Variants in RANBP2 observed in about 807,000 individuals in gnomAD.
RANBP2 encodes RAN binding protein 2.
RANBP2 carries 57 observed loss-of-function variants against 303.6 expected under a neutral mutation model. That is an observed-to-expected ratio of 0.19 (90% CI 0.15 to 0.23). The LOEUF (loss-of-function observed/expected upper bound fraction) is 0.23. RANBP2 is among the 10% of genes least tolerant of loss of function. The pLI, the probability that RANBP2 is intolerant of heterozygous loss-of-function variation, is 1.00. For missense variants in RANBP2, 3,138 were observed against 3,780.8 expected, an observed-to-expected ratio of 0.83 and a Z score of 4.46; for synonymous variants, 1,167 against 1,301.5, an observed-to-expected ratio of 0.90 and a Z score of 2.23.
chr2:108,783,609 C>T lies in RANBP2; in HGVS notation c.9383C>T (p.Thr3128Ile), dbSNP rs1415438398. The T allele has an allele frequency of 2.5e-6, 4 of 1,610,296 alleles. No homozygotes were observed. The highest frequency in any genetic ancestry group is 3.3e-5 in the Admixed American group (2 of 59,870). ...PDFVCQGGDI[T>I]KHDGTGGQSI... ...TCTTTTTTTCAGGGAGGAGATATCACCAAACATGATGGAACAGGCGGACAG... is the reference window on the plus strand; with the variant it reads ...TCTTTTTTTCAGGGAGGAGATATCATCAAACATGATGGAACAGGCGGACAG... The change falls in exon 29 of 29, where the codon ACC (threonine) becomes ATC (isoleucine). Residue 3128 changes from threonine (T) to isoleucine (I), a missense_variant. Coordinates refer to ENST00000283195, the MANE Select transcript of RANBP2 (RefSeq NM_006267.5).
the RANBP2 span, among the ~76,000 whole-genome samples, chr2:109,233,361 T>G: frequency 1.3e-5 from 2 of 151,910 alleles, no homozygotes; most frequent in African/African-American, 4.8e-5. Flanking sequence ...TCCCCTGGAG[T>G]TTGGCTGTCC....
chr2:109,444,386 A>G, the RANBP2 span, among the ~76,000 whole-genome samples: 3 of 152,240 alleles, frequency 2.0e-5, no homozygotes, highest in Admixed American at 1.3e-4. Context: ...GCACTGGCCT[A>G]CTGGCTGTAG....
the RANBP2 span, among the ~76,000 whole-genome samples, chr2:109,435,987 C>G: frequency 2.0e-5 from 3 of 152,134 alleles, no homozygotes; most frequent in African/African-American, 7.2e-5. Context: ...TGTGCAGAAA[C>G]CCTCACTCTG....
the RANBP2 span, among the ~76,000 whole-genome samples, chr2:109,001,071 T>A: frequency 6.6e-6 from 1 of 152,238 alleles, no homozygotes; most frequent in Non-Finnish European, 1.5e-5. Flanking sequence ...TTGGTTCTGA[T>A]AACTTTCTCC....
At chr2:108,881,810 G>A in the RANBP2 span, among the ~76,000 whole-genome samples, 1 of 152,160 alleles carries the variant, frequency 6.6e-6, no homozygotes, top group Admixed American at 6.5e-5. Flanking sequence ...TCTTACATGG[G>A]TGTGGTTCTT....
chr2:109,271,285 C>T, the RANBP2 span, among the ~76,000 whole-genome samples: 1 of 152,186 alleles, frequency 6.6e-6, no homozygotes, highest in Non-Finnish European at 1.5e-5. Context: ...AGTCTCCTAC[C>T]TTGTTTGGTG....
chr2:108,774,025 T>C lies in RANBP2; in HGVS notation c.8292+979T>C, dbSNP rs116180000. On this transcript the variant is annotated intron_variant, in intron 23 of 28. Coordinates refer to ENST00000283195, the MANE Select transcript of RANBP2 (RefSeq NM_006267.5). Reference sequence around the variant, plus strand: ...AAGATTGTATATTTGTTACAGTTGATGAATCTACATTGACACATCATCACC... The same window carrying C: ...AAGATTGTATATTTGTTACAGTTGACGAATCTACATTGACACATCATCACC... Among the ~76,000 whole-genome samples, 231 of 152,368 alleles carry C rather than the reference T, an allele frequency of 1.5e-3. 2 individuals are homozygous for C. Among genetic ancestry groups the C allele is most frequent in the African/African-American group, 5.4e-3 (225 of 41,584 alleles).
the RANBP2 span, among the ~76,000 whole-genome samples, chr2:109,269,201 C>T: frequency 1.3e-5 from 2 of 152,220 alleles, no homozygotes; most frequent in South Asian, 2.1e-4. Context: ...CTCCAACCTT[C>T]GCCCTGGGAG....
chr2:109,772,782 G>T, the RANBP2 span, among the ~76,000 whole-genome samples: 1 of 141,604 alleles, frequency 7.1e-6, no homozygotes, highest in South Asian at 2.3e-4. Flanking sequence ...ATGTCTGAAG[G>T]TCAGGAGGTC....
chr2:108,927,427 C>T, the RANBP2 span, among the ~76,000 whole-genome samples: 13,258 of 152,260 alleles, frequency 0.087, 3,136 homozygotes, highest in East Asian at 0.91. Flanking sequence ...CACCACCCTT[C>T]CAGTGTCCAA....
At chr2:108,898,821 A>G in the RANBP2 span, among the ~76,000 whole-genome samples, 1 of 152,242 alleles carries the variant, frequency 6.6e-6, no homozygotes. Context: ...GCTCAATGAC[A>G]GAGTAAGACA....
the RANBP2 span, among the ~76,000 whole-genome samples, chr2:109,230,871 G>A: frequency 6.6e-6 from 1 of 152,194 alleles, no homozygotes; most frequent in Non-Finnish European, 1.5e-5. Context: ...CTGGCCAATA[G>A]GACTCCCTTT....
At chr2:109,133,158 T>A in the RANBP2 span, among the ~76,000 whole-genome samples, 2 of 152,304 alleles carry the variant, frequency 1.3e-5, no homozygotes, top group South Asian at 4.1e-4. Context: ...CCGGTGTCAC[T>A]CCAGAATTCT....
chr2:109,322,711 A>G, the RANBP2 span, among the ~76,000 whole-genome samples: 99 of 152,348 alleles, frequency 6.5e-4, no homozygotes, highest in Middle Eastern at 3.4e-3. Context: ...AGTGATTTCT[A>G]ATTCATTAAG....
the RANBP2 span, among the ~76,000 whole-genome samples, chr2:108,799,438 C>A: frequency 6.6e-6 from 1 of 152,184 alleles, no homozygotes; most frequent in Non-Finnish European, 1.5e-5. Flanking sequence ...AGTTCCCTTA[C>A]GCTCTCTTGT....
chr2:109,284,480 C>T, the RANBP2 span, among the ~76,000 whole-genome samples: 2 of 152,222 alleles, frequency 1.3e-5, no homozygotes, highest in South Asian at 2.1e-4. Context: ...GGGACACACC[C>T]CTCCCATCAC....
chr2:109,671,544 C>T, the RANBP2 span, among the ~76,000 whole-genome samples: 2 of 152,152 alleles, frequency 1.3e-5, no homozygotes, highest in Admixed American at 1.3e-4. Context: ...GAGTCCTCCC[C>T]CTTCTCCTGG....
chr2:108,816,048 A>G, the RANBP2 span: 1 of 1,613,810 alleles, frequency 6.2e-7, no homozygotes, highest in Non-Finnish European at 8.5e-7. Flanking sequence ...TGGATGGTAA[A>G]AAACCACAAC....
the RANBP2 span, among the ~76,000 whole-genome samples, chr2:109,098,858 T>C: frequency 1.3e-5 from 2 of 152,314 alleles, no homozygotes; most frequent in East Asian, 3.9e-4. Context: ...CCCGGTTATT[T>C]GGCTGCCCTC....
Sources: gnomAD v4.1 joint callset for allele counts (sites outside exome capture counted in the v4.1 genomes callset) on GRCh38, gnomAD v4.1.1 for gene constraint, MANE v1.5 for transcripts, NCBI Gene and HGNC (gene_info 2026-07-23, HGNC 2026-07-21) for gene names.